RIT1: variants seen among roughly 807,000 people sequenced by gnomAD.
RIT1 encodes the protein GTP-binding protein Rit1.
Under a neutral mutation model 25.6 loss-of-function variants are expected in RIT1, and 6 were observed. The ratio of observed to expected loss-of-function variants is 0.23; its 90% CI spans 0.13 to 0.46. The LOEUF (loss-of-function observed/expected upper bound fraction) is 0.46, where lower values mean the gene tolerates loss of function less well. Among genes scored for constraint, RIT1 ranks in the 20% least tolerant of loss-of-function variants. The probability of loss-of-function intolerance (pLI) is 0.99; values close to 1 mark genes in which losing one functional copy is unlikely to be tolerated. For synonymous variants in RIT1, 81 were observed against 94.1 expected (o/e 0.86, Z 0.80); for missense variants, 219 against 284.4 (o/e 0.77, Z 1.65).
intron 5 of RIT1, among the ~76,000 whole-genome samples, chr1:155,903,675 A>G (rs914476682): frequency 8.6e-5 from 13 of 152,022 alleles, no homozygotes; most frequent in Admixed American, 2.6e-4. Flanking sequence ...ATTTTTTCCA[A>G]TGGAGATTAA....
At position 155,899,805 on chromosome 1, in the gene RIT1, AACCT is replaced by A. The variant is rs1371814968; in HGVS notation, c.*579_*582del. 4.5e-6 allele frequency: 1 copy of A among 219,882 alleles called. No individual in the cohort carries two copies. Among genetic ancestry groups the A allele is most frequent in the African/African-American group, 2.3e-5 (1 of 44,444 alleles). The allele number at this position is 219,882 out of a possible 1,614,324, so 13.6% of individuals were successfully genotyped here. A position where few individuals can be genotyped will look rare whatever the true frequency, so the allele number is the denominator to read the frequency against. On this transcript the variant is annotated 3_prime_UTR_variant, in exon 6 of 6. Transcript: ENST00000368323. ...AGCTTGTACTGAGAATACTGTTCTGAACCTACCTTTTTAAGTCCCTGCAAACATA... is the reference window on the plus strand; with the variant it reads ...AGCTTGTACTGAGAATACTGTTCTGAACCTTTTTAAGTCCCTGCAAACATA...
rs1377663047 is a variant in RIT1, at chr1:155,904,891, G to A, written c.164-87C>T. The A allele has an allele frequency of 4.8e-6, 4 of 837,478 alleles. No homozygotes were observed. The African/African-American group carries it at 5.1e-5, about 11-fold the overall frequency. 51.9% of individuals were successfully genotyped at this position (837,478 alleles called of 1,614,324 possible). ...AACTCATCTTACAGAGTAGTACATT[G>A]TATCCAAATTCATTAAATGCCCACA... is the stretch of plus-strand genomic sequence containing the variant. On this transcript the variant is annotated intron_variant, in intron 3 of 5. Coordinates refer to ENST00000368323, the MANE Select transcript of RIT1 (RefSeq NM_006912.6).
At chr1:155,909,659 C>T (rs550945330) in intron 3 of RIT1, among the ~76,000 whole-genome samples, 2 of 152,098 alleles carry the variant, frequency 1.3e-5, no homozygotes, top group Non-Finnish European at 2.9e-5. Flanking sequence ...CAGTGGCTCA[C>T]GCCTGTAATC....
At chr1:155,910,301 T>G in intron 3 of RIT1, 149 bp downstream of exon 3, 1 of 655,554 alleles carries the variant, frequency 1.5e-6, no homozygotes, top group South Asian at 2.0e-5. Context: ...AATATTCAGT[T>G]GCTTACCAAC....
chr1:155,908,810 G>A (rs1425608266), intron 3 of RIT1, among the ~76,000 whole-genome samples: 2 of 151,726 alleles, frequency 1.3e-5, no homozygotes, highest in Non-Finnish European at 2.9e-5. Context: ...TGCTCCACCC[G>A]CCTCGACCTC....
chr1:155,911,106 A>G, intron 1 of RIT1, 137 bp downstream of exon 1: 1 of 613,600 alleles, frequency 1.6e-6, no homozygotes, highest in Non-Finnish European at 2.8e-6. Context: ...TTTGGGAAGA[A>G]AGGGATGCGG....
chr1:155,899,449 C>G lies in RIT1; in HGVS notation c.*939G>C, dbSNP rs1035637392. The stretch of plus-strand genomic sequence containing the variant: ...GAAAATGCAATCAGTGATGAAGGGC[C>G]GAAAAAACATCTTGCCAGCTGTAGC... On this transcript the variant is annotated 3_prime_UTR_variant, in exon 6 of 6. Coordinates refer to ENST00000368323, the MANE Select transcript of RIT1 (RefSeq NM_006912.6). 4.4e-6 allele frequency: 1 copy of G among 224,912 alleles called. No homozygotes were observed. The highest frequency in any genetic ancestry group is 8.9e-6 in the Non-Finnish European group (1 of 112,724). The allele number at this position is 224,912 out of a possible 1,614,324, so 13.9% of individuals were successfully genotyped here. A position where few individuals can be genotyped will look rare whatever the true frequency, so the allele number is the denominator to read the frequency against.
At position 155,900,365 on chromosome 1, in the gene RIT1, G is replaced by T. The variant is rs779553169; in HGVS notation, c.*23C>A. ...CTTTGATACAGCACTGCAGTTCACA[G>T]ATAAACACTTCACATCTTCTCTTCA... On this transcript the variant is annotated 3_prime_UTR_variant, in exon 6 of 6. Transcript: ENST00000368323. The T allele has an allele frequency of 8.9e-6, 14 of 1,577,300 alleles. No homozygotes were observed. The highest frequency in any genetic ancestry group is 6.1e-6 in the Non-Finnish European group (7 of 1,147,306).
rs558697359 is a variant in RIT1 at position 155,910,303 on chromosome 1, C to G, written c.163+147G>C. Reference sequence around the variant, plus strand: ...TGAAAAAAAAAGAAATATTCAGTTGCTTACCAACTGCTGATACCCTTGTTT... The same window carrying G: ...TGAAAAAAAAAGAAATATTCAGTTGGTTACCAACTGCTGATACCCTTGTTT... On this transcript the variant is annotated intron_variant, in intron 3 of 5. Transcript: ENST00000368323. 4.5e-6 allele frequency: 3 copies of G among 660,640 alleles called. No individual in the cohort carries two copies. In the South Asian group the frequency reaches 5.9e-5, roughly 13 times the overall value. 40.9% of individuals were successfully genotyped at this position (660,640 alleles called of 1,614,324 possible).
chr1:155,900,430 C>G lies in RIT1; in HGVS notation c.618G>C (p.Arg206Ser), dbSNP rs1673288777. Reference protein sequence around the residue: ...KSKPKNSVWKRLKSPFRKKKD... With the variant: ...KSKPKNSVWKSLKSPFRKKKD... ...TCTTCTTCCGGAATGGTGATTTTAGCCTCTTCCATACACTGTTTTTGGGCT... is the reference window on the plus strand; with the variant it reads ...TCTTCTTCCGGAATGGTGATTTTAGGCTCTTCCATACACTGTTTTTGGGCT... The change falls in exon 6 of 6, where the codon AGG becomes AGC. Residue 206 changes from arginine to serine, a missense_variant. Transcript: ENST00000368323. 3 of 1,614,148 alleles carry G rather than the reference C, an allele frequency of 1.9e-6. No homozygotes were observed. Among genetic ancestry groups the G allele is most frequent in the Non-Finnish European group, 2.5e-6 (3 of 1,180,010 alleles).
intron 3 of RIT1, among the ~76,000 whole-genome samples, chr1:155,909,302 T>G (rs1470972949): frequency 6.6e-6 from 1 of 150,588 alleles, no homozygotes; most frequent in Non-Finnish European, 1.5e-5. Flanking sequence ...GGCATGAACC[T>G]GGGAGGTGGA....
chr1:155,904,507 AGG>A lies in RIT1; in HGVS notation c.238-7_238-6del. Reference sequence around the variant, plus strand: ...CCGCATGGCTGTAAACTCTGCCTAGAGGGAAACAAGGGTCATTATGTATTGAC... The same window carrying A: ...CCGCATGGCTGTAAACTCTGCCTAGAGAAACAAGGGTCATTATGTATTGAC... On this transcript the variant is annotated splice_polypyrimidine_tract_variant and splice_region_variant and intron_variant, in intron 4 of 5. Coordinates refer to ENST00000368323, the MANE Select transcript of RIT1 (RefSeq NM_006912.6). 1 of 1,607,766 alleles carries A rather than the reference AGG, an allele frequency of 6.2e-7. No homozygotes were observed. The highest frequency in any genetic ancestry group is 8.5e-7 in the Non-Finnish European group (1 of 1,174,788).
chr1:155,905,415 G>C (rs1673418006), intron 3 of RIT1, among the ~76,000 whole-genome samples: 1 of 151,920 alleles, frequency 6.6e-6, no homozygotes, highest in South Asian at 2.1e-4. Flanking sequence ...GTCCAGGCTA[G>C]TCTCGAACTC....
In RIT1 at chr1:155,904,334, A is replaced by C; in HGVS notation, c.406T>G (p.Ser136Ala). The C allele has an allele frequency of 1.9e-6, 3 of 1,613,598 alleles. No individual in the cohort carries two copies. The highest frequency in any genetic ancestry group is 2.5e-6 in the Non-Finnish European group (3 of 1,179,468). Residue 136 changes from serine (S) to alanine (A), a missense_variant, in exon 5 of 6, where the codon TCA becomes GCA. Transcript: ENST00000368323. Reference protein sequence around the residue: ...DTPVVLVGNKSDLKQLRQVTK... With the variant: ...DTPVVLVGNKADLKQLRQVTK... ...ACCTGTCTTAGCTGTTTGAGGTCTG[A>C]CTTGTTTCCCACAAGAACCACAGGT...
At chr1:155,906,929 G>A (rs540077950) in intron 3 of RIT1, among the ~76,000 whole-genome samples, 1 of 152,002 alleles carries the variant, frequency 6.6e-6, no homozygotes, top group African/African-American at 2.4e-5. Flanking sequence ...AATAGAGCGA[G>A]ACCTCATCTC....
intron 4 of RIT1, 56 bp downstream of exon 4, chr1:155,904,675 C>T: frequency 7.4e-7 from 1 of 1,359,116 alleles, no homozygotes; most frequent in Non-Finnish European, 1.1e-6. Context: ...TAGGCCTTCC[C>T]CTCCCCTTTG....
intron 3 of RIT1, among the ~76,000 whole-genome samples, chr1:155,905,155 GC>G (rs1673410031): frequency 6.6e-6 from 1 of 151,828 alleles, no homozygotes; most frequent in Admixed American, 6.6e-5. Context: ...TATTGTTTGA[GC>G]CCAGGAGTTC....
Position 155,904,590 on chromosome 1 carries a change from G to GC in RIT1, c.238-89dup, listed in dbSNP as rs1673395027. Reference sequence around the variant, plus strand: ...CTATTTCTTTCAGATTAAAGAAAACGCATGTCGATTACCTGCTATCCTGAG... The same window carrying GC: ...CTATTTCTTTCAGATTAAAGAAAACGCCATGTCGATTACCTGCTATCCTGAG... On this transcript the variant is annotated intron_variant, in intron 4 of 5. Coordinates refer to ENST00000368323, the MANE Select transcript of RIT1 (RefSeq NM_006912.6). The GC allele has an allele frequency of 6.1e-6, 8 of 1,308,204 alleles. No individual in the cohort carries two copies. In the Admixed American group the frequency reaches 1.3e-4, roughly 22 times the overall value. The allele number at this position is 1,308,204 out of a possible 1,614,324, so 81.0% of individuals were successfully genotyped here.
chr1:155,900,683 T>G (rs1048288776), intron 5 of RIT1, 65 bp from the exon 6 acceptor site: 1 of 1,272,012 alleles, frequency 7.9e-7, no homozygotes, highest in Non-Finnish European at 1.1e-6. Flanking sequence ...AAAACCTGAA[T>G]GCACCACCAC....
Sources: gnomAD v4.1 joint callset for allele counts (sites outside exome capture counted in the v4.1 genomes callset) on GRCh38, gnomAD v4.1.1 for gene constraint, MANE v1.5 for transcripts, NCBI Gene and HGNC (gene_info 2026-07-23, HGNC 2026-07-21) for gene names.